Variants in RFFL observed in about 807,000 individuals in gnomAD.
RFFL encodes the protein E3 ubiquitin-protein ligase rififylin.
In RFFL, 16 loss-of-function variants were observed where a neutral mutation model predicts 40.4. That is an observed-to-expected ratio of 0.40 (90% CI 0.27 to 0.60). The LOEUF is 0.60. Among genes scored for constraint, RFFL ranks in the 20% least tolerant of loss-of-function variants. RFFL has a pLI of 0.47. For synonymous variants in RFFL, 154 were observed against 167.9 expected (o/e 0.92, Z 0.64); for missense variants, 367 against 451.7 (o/e 0.81, Z 1.70).
rs1490703857 is a variant in RFFL at position 35,016,533 on chromosome 17, C to A, written c.723G>T (p.Leu241=). The A allele has an allele frequency of 5.6e-6, 9 of 1,614,068 alleles. No individual in the cohort carries two copies. Among genetic ancestry groups the A allele is most frequent in the Non-Finnish European group, 7.6e-6 (9 of 1,180,030 alleles). Residue 241 remains leucine (L), a synonymous_variant, in exon 5 of 7, where the codon CTG becomes CTT. Coordinates refer to ENST00000394597, the MANE Select transcript of RFFL (RefSeq NM_001017368.2). ...DSFVPGRRAS[L]SDLTDLEDIE... is the part of the protein sequence containing the mutation. ...TGTCCTCCAGGTCAGTCAGGTCAGA[C>A]AGAGAGGCCCTTCGGCCTGGGACAA...
At chr17:35,071,424 C>T (rs2091350208) in intron 1 of RFFL, among the ~76,000 whole-genome samples, 2 of 151,972 alleles carry the variant, frequency 1.3e-5, no homozygotes, top group South Asian at 4.1e-4. Flanking sequence ...TCAAGACCAG[C>T]CTGGCCAACA....
At chr17:35,056,549 G>T (rs2091262723) in intron 1 of RFFL, among the ~76,000 whole-genome samples, 1 of 151,686 alleles carries the variant, frequency 6.6e-6, no homozygotes, top group Non-Finnish European at 1.5e-5. Flanking sequence ...GGCTAATTTT[G>T]TATTTTTAGT....
chr17:35,026,275 C>A, intron 2 of RFFL, 99 bp downstream of exon 2: 1 of 1,210,650 alleles, frequency 8.3e-7, no homozygotes, highest in African/African-American at 1.5e-5. Flanking sequence ...CAGCATCACA[C>A]AGGGAAAGGA....
chr17:35,049,303 TG>T (rs2091218460), intron 1 of RFFL, among the ~76,000 whole-genome samples: 1 of 150,810 alleles, frequency 6.6e-6, no homozygotes, highest in South Asian at 2.1e-4. Context: ...GGGTACAGAA[TG>T]CACACACACA....
intron 1 of RFFL, among the ~76,000 whole-genome samples, chr17:35,059,009 G>C (rs1293196093): frequency 6.7e-6 from 1 of 150,252 alleles, no homozygotes. Context: ...AAAGAAGCTC[G>C]AGCTAGAATT....
chr17:35,083,236 C>CCA (rs2091411033), intron 1 of RFFL, among the ~76,000 whole-genome samples: 1 of 152,162 alleles, frequency 6.6e-6, no homozygotes, highest in South Asian at 2.1e-4. Context: ...ATTCATTTGT[C>CCA]CACTCATGAG....
In RFFL at chr17:35,011,320, T is replaced by G. The variant is rs1405493465; in HGVS notation, c.*648A>C. 2 of 152,270 alleles carry G rather than the reference T, an allele frequency of 1.3e-5. No homozygotes were observed. Among genetic ancestry groups the G allele is most frequent in the African/African-American group, 4.8e-5 (2 of 41,460 alleles). The allele number at this position is 152,270 out of a possible 1,614,324, so 9.4% of individuals were successfully genotyped here. A position where few individuals can be genotyped will look rare whatever the true frequency, so the allele number is the denominator to read the frequency against. ...AGACCAACAGCTTCCAATCCCAGCA[T>G]TTAATGAAGTGGCTTTTAACAACTT... On this transcript the variant is annotated 3_prime_UTR_variant, in exon 7 of 7. Transcript: ENST00000394597.
At chr17:35,049,324 A>G (rs1390332960) in intron 1 of RFFL, among the ~76,000 whole-genome samples, 1 of 152,132 alleles carries the variant, frequency 6.6e-6, no homozygotes, top group Non-Finnish European at 1.5e-5. Flanking sequence ...ACACACACAC[A>G]AACACATTAT....
chr17:35,041,947 A>G (rs1419773895), intron 1 of RFFL, among the ~76,000 whole-genome samples: 3 of 152,160 alleles, frequency 2.0e-5, no homozygotes, highest in Admixed American at 6.5e-5. Context: ...CCCGGGAGGC[A>G]GAGGTTGCAG....
At chr17:35,024,667 G>A (rs965098839) in intron 2 of RFFL, among the ~76,000 whole-genome samples, 2 of 152,180 alleles carry the variant, frequency 1.3e-5, no homozygotes, top group Non-Finnish European at 2.9e-5. Flanking sequence ...CATTCAGAAA[G>A]TACTGACCAT....
upstream of RFFL, among the ~76,000 whole-genome samples, chr17:35,068,002 T>C (rs1324012200): frequency 1.3e-5 from 2 of 152,176 alleles, no homozygotes; most frequent in African/African-American, 4.8e-5. Context: ...GAGACAATTA[T>C]CCTAACTACC....
intron 1 of RFFL, among the ~76,000 whole-genome samples, chr17:35,055,358 A>T (rs760010680): frequency 2.6e-5 from 4 of 152,038 alleles, no homozygotes; most frequent in Non-Finnish European, 2.9e-5. Context: ...GTTACCAAGA[A>T]CTATGGACAG....
intron 1 of RFFL, chr17:35,088,601 G>C: frequency 6.6e-6 from 1 of 152,392 alleles, no homozygotes. Context: ...AGGGAACAGT[G>C]GACCCTGCGG....
intron 1 of RFFL, among the ~76,000 whole-genome samples, chr17:35,076,387 T>C (rs1224457611): frequency 1.3e-5 from 2 of 151,910 alleles, no homozygotes; most frequent in Non-Finnish European, 2.9e-5. Flanking sequence ...ATTTTAAAAA[T>C]AATAGTAAAA....
rs1267124992 is a variant in RFFL at position 35,011,527 on chromosome 17, G to A, written c.*441C>T. On this transcript the variant is annotated 3_prime_UTR_variant, in exon 7 of 7. Transcript: ENST00000394597. Reference sequence around the variant, plus strand: ...GATAGTTAAAGCACAGAAAGCCGGAGAGACCAGAAATTTAAATCCGAATGT... The same window carrying A: ...GATAGTTAAAGCACAGAAAGCCGGAAAGACCAGAAATTTAAATCCGAATGT... 1 of 166,948 alleles carries A rather than the reference G, an allele frequency of 6.0e-6. No homozygotes were observed. The highest frequency in any genetic ancestry group is 5.7e-5 in the Admixed American group (1 of 17,692). The allele number at this position is 166,948 out of a possible 1,614,324, so 10.3% of individuals were successfully genotyped here.
At chr17:35,034,632 G>A (rs536718513) in intron 1 of RFFL, among the ~76,000 whole-genome samples, 6 of 151,822 alleles carry the variant, frequency 4.0e-5, no homozygotes, top group African/African-American at 1.2e-4. Context: ...ATGTTAAAGC[G>A]ATTCTCCTGC....
At chr17:35,023,830 T>G (rs1272779365) in intron 2 of RFFL, among the ~76,000 whole-genome samples, 2 of 152,208 alleles carry the variant, frequency 1.3e-5, no homozygotes, top group African/African-American at 2.4e-5. Context: ...CTAGCTTCTA[T>G]GCACCCGCTG....
In RFFL at chr17:35,007,453, A is replaced by T. The variant is rs1381703846; in HGVS notation, c.*4515T>A. On this transcript the variant is annotated 3_prime_UTR_variant, in exon 7 of 7. Transcript: ENST00000394597. ...AATGCTGGAGGCCTCCCTCTTCTGAACCTCTACATGCTGCTGGCTGGCATC... is the reference window on the plus strand; with the variant it reads ...AATGCTGGAGGCCTCCCTCTTCTGATCCTCTACATGCTGCTGGCTGGCATC... The T allele has an allele frequency of 6.6e-6, 1 of 152,124 alleles. No homozygotes were observed. Among genetic ancestry groups the T allele is most frequent in the Non-Finnish European group, 1.5e-5 (1 of 68,074 alleles). The allele number at this position is 152,124 out of a possible 1,614,324, so 9.4% of individuals were successfully genotyped here.
Position 35,016,371 on chromosome 17 carries a change from C to G in RFFL, c.885G>C (p.Leu295=). 6.2e-7 allele frequency: 1 copy of G among 1,613,908 alleles called. No individual in the cohort carries two copies. Among genetic ancestry groups the G allele is most frequent in the Non-Finnish European group, 8.5e-7 (1 of 1,179,812 alleles). Residue 295 remains leucine (L), a splice_region_variant and synonymous_variant, in exon 5 of 7, where the codon CTG becomes CTC. Coordinates refer to ENST00000394597, the MANE Select transcript of RFFL (RefSeq NM_001017368.2). ...GCTACCATGCAGATAGCCCCTCACCCAGGTGCTGGAGTCCTTTCTGATCCT... is the reference window on the plus strand; with the variant it reads ...GCTACCATGCAGATAGCCCCTCACCGAGGTGCTGGAGTCCTTTCTGATCCT... ...LYKDQKGLQH[L]VSGAEDQNGG...
Sources: allele counts gnomAD v4.1 joint callset (sites outside exome capture counted in the v4.1 genomes callset), GRCh38; gene constraint gnomAD v4.1.1; transcripts MANE v1.5; gene names NCBI Gene and HGNC (gene_info 2026-07-23, HGNC 2026-07-21).